Variants in SV2B observed in about 807,000 individuals in gnomAD.
SV2B encodes the protein solute carrier family 22 member B2.
A neutral mutation model predicts 73.9 loss-of-function variants in SV2B; 41 were observed. The observed-to-expected ratio is 0.56, with a 90% CI of 0.43 to 0.72. SV2B has a LOEUF of 0.72. Ranked by LOEUF, SV2B falls within the 30% of genes least tolerant of loss-of-function variation. The pLI, the probability that SV2B is intolerant of heterozygous loss-of-function variation, is 0.00. For synonymous variants in SV2B, 314 were observed against 314.2 expected, an observed-to-expected ratio of 1.00 and a Z score of 0.01; for missense variants, 764 against 857.8, an observed-to-expected ratio of 0.89 and a Z score of 1.37.
At position 91,229,965 on chromosome 15, in the gene SV2B, G is replaced by A. The variant is rs2046512450; in HGVS notation, c.451+3251G>A. ...TTTTAAAAAGAAACTCTCTGGTTGGGTGTGGTGGCCCATGCCTGTAATCCC... is the reference window on the plus strand; with the variant it reads ...TTTTAAAAAGAAACTCTCTGGTTGGATGTGGTGGCCCATGCCTGTAATCCC... On this transcript the variant is annotated intron_variant, in intron 2 of 12. Transcript: ENST00000394232. The surrounding 1 kb of genome is among the most constrained non-coding windows in gnomAD (Gnocchi z 4.3). 6.6e-6 allele frequency among the ~76,000 whole-genome samples: 1 copy of A among 152,224 alleles called. No homozygotes were observed. Among genetic ancestry groups the A allele is most frequent in the Non-Finnish European group, 1.5e-5 (1 of 68,038 alleles).
Position 91,122,287 on chromosome 15 carries a change from A to G in SV2B, c.-392+21924A>G, listed in dbSNP as rs2042362514. Among the ~76,000 whole-genome samples, 1 of 152,222 alleles carries G rather than the reference A, an allele frequency of 6.6e-6. No individual in the cohort carries two copies. The highest frequency in any genetic ancestry group is 2.4e-5 in the African/African-American group (1 of 41,446). ...AGAGTCAGATTCAGAGAAGGAGTTG[A>G]TCAACGATATCCTCTCCCTCCTCCA... On this transcript the variant is annotated intron_variant, in intron 1 of 12. Coordinates refer to ENST00000394232, the MANE Select transcript of SV2B (RefSeq NM_001323032.3). This position sits in a 1 kb window ranked among gnomAD's most constrained non-coding sequence, Gnocchi z 4.3.
intron 1 of SV2B, among the ~76,000 whole-genome samples, chr15:91,152,552 A>G (rs897182914): frequency 6.6e-6 from 1 of 152,220 alleles, no homozygotes; most frequent in African/African-American, 2.4e-5. Context: ...GCTTTTAATC[A>G]CTGCCATAAC....
rs1291843600 is a variant in SV2B at position 91,224,884 on chromosome 15, A to C, written c.-391-989A>C. Among the ~76,000 whole-genome samples, 1 of 152,198 alleles carries C rather than the reference A, an allele frequency of 6.6e-6. No individual in the cohort carries two copies. The highest frequency in any genetic ancestry group is 1.5e-5 in the Non-Finnish European group (1 of 68,026). Reference sequence around the variant, plus strand: ...GGCACAATGAGAATCCACTGGGCAAAGGAGTCAACAGAGGGACTCTGATTG... The same window carrying C: ...GGCACAATGAGAATCCACTGGGCAACGGAGTCAACAGAGGGACTCTGATTG... On this transcript the variant is annotated intron_variant, in intron 1 of 12. Coordinates refer to ENST00000394232, the MANE Select transcript of SV2B (RefSeq NM_001323032.3). This position sits in a 1 kb window ranked among gnomAD's most constrained non-coding sequence, Gnocchi z 4.9.
rs2047496544 is a variant in SV2B, at chr15:91,251,860, C to T, written c.493C>T (p.Leu165=). 1 of 1,614,072 alleles carries T rather than the reference C, an allele frequency of 6.2e-7. No individual in the cohort carries two copies. The highest frequency in any genetic ancestry group is 1.1e-5 in the South Asian group (1 of 91,088). ...YLGMMAGAFI[L]GGLADKLGRK... Reference sequence around the variant, plus strand: ...GGGAATGATGGCGGGCGCCTTCATCCTGGGAGGCCTGGCTGATAAGCTGGG... The same window carrying T: ...GGGAATGATGGCGGGCGCCTTCATCTTGGGAGGCCTGGCTGATAAGCTGGG... Residue 165 remains leucine (L), a synonymous_variant, in exon 3 of 13, where the codon CTG becomes TTG. Coordinates refer to ENST00000394232, the MANE Select transcript of SV2B (RefSeq NM_001323032.3).
intron 9 of SV2B, among the ~76,000 whole-genome samples, chr15:91,278,186 G>A (rs1477827338): frequency 6.6e-6 from 1 of 152,162 alleles, no homozygotes; most frequent in Admixed American, 6.5e-5. Context: ...CACAGTAAAA[G>A]TACGCCCCGT....
rs537376028 is a variant in SV2B at position 91,227,519 on chromosome 15, A to G, written c.451+805A>G. 1.3e-5 allele frequency among the ~76,000 whole-genome samples: 2 copies of G among 152,354 alleles called. No homozygotes were observed. The highest frequency in any genetic ancestry group is 1.9e-4 in the East Asian group (1 of 5,186). On this transcript the variant is annotated intron_variant, in intron 2 of 12. Transcript: ENST00000394232. The surrounding 1 kb of genome is among the most constrained non-coding windows in gnomAD (Gnocchi z 4.5). ...TATCTACCCTCTAAATTTAGAGTCT[A>G]TGAAATTAATTGTGCAGCAAACATG...
At chr15:91,244,199 C>T (rs2047135689) in intron 2 of SV2B, among the ~76,000 whole-genome samples, 1 of 152,208 alleles carries the variant, frequency 6.6e-6, no homozygotes, top group South Asian at 2.1e-4. Context: ...ACCTCCCTCA[C>T]CAGGTTGGAA....
intron 11 of SV2B, among the ~76,000 whole-genome samples, chr15:91,286,159 T>C (rs1202804810): frequency 6.6e-6 from 1 of 152,158 alleles, no homozygotes; most frequent in Non-Finnish European, 1.5e-5. Context: ...CTTCAATCTT[T>C]AGTAAAAGGC....
At chr15:91,156,091 C>G (rs115828147) in intron 1 of SV2B, among the ~76,000 whole-genome samples, 59 of 152,082 alleles carry the variant, frequency 3.9e-4, no homozygotes, top group African/African-American at 1.4e-3. Context: ...GTTTTATGTT[C>G]GTGTCAGAGG....
At chr15:91,238,837 A>G (rs758185626) in intron 2 of SV2B, among the ~76,000 whole-genome samples, 26 of 152,242 alleles carry the variant, frequency 1.7e-4, no homozygotes, top group Non-Finnish European at 2.6e-4. Context: ...GGAGCAGAGC[A>G]ACAGAGCACA....
At chr15:91,285,839 G>A (rs535587317) in intron 11 of SV2B, among the ~76,000 whole-genome samples, 28 of 152,158 alleles carry the variant, frequency 1.8e-4, no homozygotes, top group Non-Finnish European at 3.4e-4. Flanking sequence ...ACAGCCCACC[G>A]CCTAAGGACC....
chr15:91,146,685 T>G (rs770513495), intron 1 of SV2B, among the ~76,000 whole-genome samples: 1 of 152,190 alleles, frequency 6.6e-6, no homozygotes, highest in Non-Finnish European at 1.5e-5. Flanking sequence ...ATATTTTATT[T>G]TTTTGACACC....
intron 1 of SV2B, among the ~76,000 whole-genome samples, chr15:91,143,916 C>T (rs1048731588): frequency 6.6e-6 from 1 of 152,160 alleles, no homozygotes; most frequent in African/African-American, 2.4e-5. Flanking sequence ...TCACTGGATT[C>T]TTTAGAGTCT....
At chr15:91,176,753 G>A (rs1252480116) in intron 1 of SV2B, among the ~76,000 whole-genome samples, 1 of 151,320 alleles carries the variant, frequency 6.6e-6, no homozygotes, top group Non-Finnish European at 1.5e-5. Context: ...TTTTTTTCTT[G>A]TAAATTTGTT....
chr15:91,205,957 C>T (rs1596580594), intron 1 of SV2B, among the ~76,000 whole-genome samples: 1 of 152,276 alleles, frequency 6.6e-6, no homozygotes, highest in East Asian at 1.9e-4. Flanking sequence ...TGGCATGATA[C>T]ATATGGGAGG....
chr15:91,246,453 A>T (rs552946084), intron 2 of SV2B, among the ~76,000 whole-genome samples: 1 of 152,210 alleles, frequency 6.6e-6, no homozygotes, highest in African/African-American at 2.4e-5. Flanking sequence ...AATCCTAACA[A>T]CTCTGCAAAG....
At chr15:91,117,187 G>C (rs1470142727) in intron 1 of SV2B, among the ~76,000 whole-genome samples, 1 of 152,148 alleles carries the variant, frequency 6.6e-6, no homozygotes, top group African/African-American at 2.4e-5. Flanking sequence ...GTATCGGTCT[G>C]GAGCTAGATT....
chr15:91,254,545 C>A (rs1209798594), intron 4 of SV2B, among the ~76,000 whole-genome samples: 1 of 152,114 alleles, frequency 6.6e-6, no homozygotes, highest in Non-Finnish European at 1.5e-5. Flanking sequence ...CTTATTTTCA[C>A]ATTTAAATGA....
intron 1 of SV2B, among the ~76,000 whole-genome samples, chr15:91,134,016 T>TTTTTTTTTTTTTA (rs3082090): frequency 6.9e-6 from 1 of 145,316 alleles, no homozygotes. Flanking sequence ...TTTTTTTTTT[T>TTTTTTTTTTTTTA]GAGATGGAGT....
Sources: gnomAD v4.1 joint callset for allele counts (sites outside exome capture counted in the v4.1 genomes callset) on GRCh38, gnomAD v4.1.1 for gene constraint, Gnocchi (gnomAD v3.1) non-coding constraint, MANE v1.5 for transcripts, NCBI Gene and HGNC (gene_info 2026-07-23, HGNC 2026-07-21) for gene names.